The following NTNG1 variants were observed in gnomAD, a reference collection of about 807,000 sequenced individuals.
NTNG1 encodes netrin G1, also known as netrin-G1.
Under a neutral mutation model 54.0 loss-of-function variants are expected in NTNG1, and 16 were observed. The observed-to-expected ratio is 0.30, with a 90% CI of 0.20 to 0.45. The LOEUF (loss-of-function observed/expected upper bound fraction) is 0.45, where lower values mean the gene tolerates loss of function less well. Among genes scored for constraint, NTNG1 ranks in the 20% least tolerant of loss-of-function variants. The pLI is 1.00. For synonymous variants in NTNG1, 255 were observed against 263.1 expected, an observed-to-expected ratio of 0.97 and a Z score of 0.30; for missense variants, 530 against 678.7, an observed-to-expected ratio of 0.78 and a Z score of 2.43.
At chr1:107,477,154 A>G (rs1390253348) in intron 7 of NTNG1, among the ~76,000 whole-genome samples, 1 of 152,208 alleles carries the variant, frequency 6.6e-6, no homozygotes, top group Non-Finnish European at 1.5e-5. Context: ...CTGCACCTCT[A>G]AGGTGGGGTA....
At chr1:107,381,929 G>A (rs970995187) in intron 3 of NTNG1, among the ~76,000 whole-genome samples, 1 of 152,102 alleles carries the variant, frequency 6.6e-6, no homozygotes, top group Non-Finnish European at 1.5e-5. Flanking sequence ...TGGCAGTATT[G>A]TAATTAAAAG....
chr1:107,176,067 C>T (rs1656621969), intron 2 of NTNG1, among the ~76,000 whole-genome samples: 1 of 152,084 alleles, frequency 6.6e-6, no homozygotes, highest in African/African-American at 2.4e-5. Flanking sequence ...AGGTTCCTAC[C>T]TTCAGGGAAC....
Position 107,298,533 on chromosome 1 carries a change from A to C in NTNG1, c.247-25749A>C, listed in dbSNP as rs147023131. Among the ~76,000 whole-genome samples the C allele has an allele frequency of 4.5e-4, 69 of 152,346 alleles. No homozygotes were observed. In the East Asian group the frequency reaches 0.012, roughly 27 times the overall value. Reference sequence around the variant, plus strand: ...CAAAGTTATTCACACATACAGTTAAAGTCACTGAAGGAGAAATCAAGAAAA... The same window carrying C: ...CAAAGTTATTCACACATACAGTTAACGTCACTGAAGGAGAAATCAAGAAAA... On this transcript the variant is annotated intron_variant, in intron 2 of 7. Coordinates refer to ENST00000370068, the MANE Select transcript of NTNG1 (RefSeq NM_001113226.3).
At position 107,209,537 on chromosome 1, in the gene NTNG1, T is replaced by A. The variant is rs1353195884; in HGVS notation, c.246+60698T>A. ...CCTTGGCTCAGCTCTCAGTTATTCA[T>A]CACCTTCTCTCAGTAATCAGTCCCT... On this transcript the variant is annotated intron_variant, in intron 2 of 7. Transcript: ENST00000370068. Among the ~76,000 whole-genome samples, 6 of 152,172 alleles carry A rather than the reference T, an allele frequency of 3.9e-5. No homozygotes were observed. The East Asian group carries it at 1.2e-3, about 29-fold the overall frequency.
At chr1:107,140,804 A>G (rs2100984659), upstream of NTNG1, 1 of 152,360 alleles carries the variant, frequency 6.6e-6, no homozygotes, top group East Asian at 1.9e-4. Flanking sequence ...TAGAAAAAAG[A>G]AAAAATATCC....
At chr1:107,312,240 A>G (rs144106154) in intron 2 of NTNG1, among the ~76,000 whole-genome samples, 181 of 152,272 alleles carry the variant, frequency 1.2e-3, no homozygotes, top group African/African-American at 4.0e-3. Flanking sequence ...GACTTCTTTG[A>G]TAAACAGATT....
At chr1:107,212,634 A>C (rs188167909) in intron 2 of NTNG1, among the ~76,000 whole-genome samples, 158 of 152,262 alleles carry the variant, frequency 1.0e-3, no homozygotes, top group South Asian at 2.7e-3. Context: ...TTGAGCTTTG[A>C]GTAGTGAATT....
intron 2 of NTNG1, among the ~76,000 whole-genome samples, chr1:107,237,893 G>A (rs1452525924): frequency 1.3e-5 from 2 of 152,206 alleles, no homozygotes; most frequent in Non-Finnish European, 2.9e-5. Context: ...GAGAACCTCT[G>A]CTAGGTCAGT....
At chr1:107,350,243 T>G (rs1669521046) in intron 3 of NTNG1, among the ~76,000 whole-genome samples, 1 of 152,192 alleles carries the variant, frequency 6.6e-6, no homozygotes, top group Non-Finnish European at 1.5e-5. Flanking sequence ...AATTTATCTT[T>G]CATTTTAATT....
At chr1:107,162,962 G>A (rs1246997183) in intron 2 of NTNG1, among the ~76,000 whole-genome samples, 5 of 152,172 alleles carry the variant, frequency 3.3e-5, no homozygotes, top group African/African-American at 9.6e-5. Context: ...AATTTGGACA[G>A]CAAGGAAGGG....
intron 5 of NTNG1, among the ~76,000 whole-genome samples, chr1:107,416,313 GA>G (rs201929796): frequency 2.0e-4 from 29 of 148,308 alleles, no homozygotes; most frequent in South Asian, 4.3e-4. Flanking sequence ...AAAATTATTT[GA>G]AAAAAAAAAG....
chr1:107,479,274 G>A (rs910435706), intron 7 of NTNG1, among the ~76,000 whole-genome samples: 5 of 152,222 alleles, frequency 3.3e-5, no homozygotes, highest in African/African-American at 1.2e-4. Flanking sequence ...GCACTGGCAT[G>A]TTTGTGTGTA....
intron 2 of NTNG1, among the ~76,000 whole-genome samples, chr1:107,302,487 A>T (rs546821627): frequency 6.0e-4 from 91 of 152,156 alleles, no homozygotes; most frequent in Middle Eastern, 3.4e-3. Context: ...ATTGTTTTAG[A>T]CAAAAGCAAA....
chr1:107,148,762 A>T lies in NTNG1; in HGVS notation c.169A>T (p.Met57Leu). 1 of 1,613,788 alleles carries T rather than the reference A, an allele frequency of 6.2e-7. No individual in the cohort carries two copies. The highest frequency in any genetic ancestry group is 8.5e-7 in the Non-Finnish European group (1 of 1,179,712). The change falls in exon 2 of 8, where the codon ATG becomes TTG. Residue 57 changes from methionine to leucine, a missense_variant. By Grantham distance (15) the Met-to-Leu change is conservative. Transcript: ENST00000370068. Reference sequence around the variant, plus strand: ...GGCCTGCCAGCCGGAATCCACGGACATGACAAAATATCTGAAAGTGAAACT... The same window carrying T: ...GGCCTGCCAGCCGGAATCCACGGACTTGACAAAATATCTGAAAGTGAAACT... ...YMACQPESTD[M>L]TKYLKVKLDP...
chr1:107,356,805 C>A (rs1427625819), intron 3 of NTNG1, among the ~76,000 whole-genome samples: 1 of 151,946 alleles, frequency 6.6e-6, no homozygotes, highest in Non-Finnish European at 1.5e-5. Flanking sequence ...GAGTTTGAGA[C>A]CAACCTGGAC....
At chr1:107,307,816 T>C (rs1183677678) in intron 2 of NTNG1, among the ~76,000 whole-genome samples, 3 of 152,190 alleles carry the variant, frequency 2.0e-5, no homozygotes, top group Admixed American at 6.5e-5. Flanking sequence ...CTGTTCTCAC[T>C]TCTACGTAAG....
intron 2 of NTNG1, among the ~76,000 whole-genome samples, chr1:107,272,615 A>G (rs1664218703): frequency 6.6e-6 from 1 of 152,156 alleles, no homozygotes; most frequent in African/African-American, 2.4e-5. Context: ...GGTATAGAAT[A>G]CCTGAAAACA....
chr1:107,280,855 TATTTTA>T (rs997847591), intron 2 of NTNG1, among the ~76,000 whole-genome samples: 9 of 24,928 alleles, frequency 3.6e-4, no homozygotes, highest in African/African-American at 1.0e-3. Context: ...TCCTCTGACT[TATTTTA>T]TTTTATTTTA....
At chr1:107,462,992 G>T (rs2101549045) in intron 7 of NTNG1, among the ~76,000 whole-genome samples, 1 of 152,298 alleles carries the variant, frequency 6.6e-6, no homozygotes, top group East Asian at 1.9e-4. Flanking sequence ...CTCCCATACA[G>T]TGGGGAAGAG....
Sources: allele counts gnomAD v4.1 joint callset (sites outside exome capture counted in the v4.1 genomes callset), GRCh38; gene constraint gnomAD v4.1.1; transcripts MANE v1.5; gene names NCBI Gene and HGNC (gene_info 2026-07-23, HGNC 2026-07-21).